The following RBM20 variants were observed in gnomAD, a reference collection of about 807,000 sequenced individuals.
RBM20 encodes the protein RNA binding motif protein 20, also known as RNA-binding protein 20.
RBM20 carries 51 observed loss-of-function variants against 110.1 expected under a neutral mutation model. The observed-to-expected ratio is 0.46, with a 90% CI of 0.37 to 0.59. RBM20 has a LOEUF of 0.59. Ranked by LOEUF, RBM20 falls within the 20% of genes least tolerant of loss-of-function variation. The pLI is 0.00. For synonymous variants in RBM20, 589 were observed against 618.2 expected, an observed-to-expected ratio of 0.95 and a Z score of 0.70; for missense variants, 1,512 against 1,574.9, an observed-to-expected ratio of 0.96 and a Z score of 0.68.
chr10:110,708,591 C>G (rs1413969159), intron 1 of RBM20, among the ~76,000 whole-genome samples: 1 of 152,036 alleles, frequency 6.6e-6, no homozygotes, highest in African/African-American at 2.4e-5. Flanking sequence ...AACCTTATTT[C>G]TCAAATTATT....
chr10:110,746,479 C>T (rs909230481), intron 1 of RBM20, among the ~76,000 whole-genome samples: 38 of 152,206 alleles, frequency 2.5e-4, no homozygotes, highest in African/African-American at 8.7e-4. Flanking sequence ...TAAAAGGTTG[C>T]TCAACTGGTA....
At chr10:110,755,157 G>A (rs577127272) in intron 1 of RBM20, among the ~76,000 whole-genome samples, 1 of 152,268 alleles carries the variant, frequency 6.6e-6, no homozygotes, top group South Asian at 2.1e-4. Flanking sequence ...TGGGTTTGGG[G>A]GGGACAGGAA....
At chr10:110,733,354 A>G (rs61864264) in intron 1 of RBM20, among the ~76,000 whole-genome samples, 1 of 152,062 alleles carries the variant, frequency 6.6e-6, no homozygotes, top group Non-Finnish European at 1.5e-5. Context: ...TAATGTTGAG[A>G]AGGAGGATGA....
intron 5 of RBM20, among the ~76,000 whole-genome samples, chr10:110,794,253 C>T (rs1453100066): frequency 6.6e-6 from 1 of 152,102 alleles, no homozygotes; most frequent in Non-Finnish European, 1.5e-5. Flanking sequence ...GGTTTTGAAC[C>T]TAAATGGAGT....
At chr10:110,685,440 G>A (rs1350779922) in intron 1 of RBM20, among the ~76,000 whole-genome samples, 1 of 152,158 alleles carries the variant, frequency 6.6e-6, no homozygotes, top group African/African-American at 2.4e-5. Context: ...CTGTGCCTGT[G>A]TTCAGAATGG....
intron 1 of RBM20, among the ~76,000 whole-genome samples, chr10:110,760,025 T>C (rs112562012): frequency 6.6e-6 from 1 of 152,168 alleles, no homozygotes; most frequent in African/African-American, 2.4e-5. Context: ...GGGAAGGCTG[T>C]GAGCTTCAAG....
chr10:110,659,145 G>A (rs1862064757), intron 1 of RBM20, among the ~76,000 whole-genome samples: 1 of 152,204 alleles, frequency 6.6e-6, no homozygotes, highest in Admixed American at 6.5e-5. Context: ...TACTAGTCAG[G>A]ATGCTCTCAT....
chr10:110,826,724 A>G (rs972413385), intron 12 of RBM20, among the ~76,000 whole-genome samples: 18 of 151,986 alleles, frequency 1.2e-4, no homozygotes, highest in African/African-American at 4.1e-4. Flanking sequence ...CTGGGATTAC[A>G]GGCACCTGCC....
chr10:110,748,671 C>G (rs529719091), intron 1 of RBM20, among the ~76,000 whole-genome samples: 52 of 152,262 alleles, frequency 3.4e-4, no homozygotes, highest in Non-Finnish European at 2.6e-4. Context: ...TATCTTCTCT[C>G]TCTCTCTCTC....
intron 1 of RBM20, among the ~76,000 whole-genome samples, chr10:110,726,306 A>G (rs1843559879): frequency 6.6e-6 from 1 of 152,182 alleles, no homozygotes; most frequent in Admixed American, 6.5e-5. Context: ...GCATCTCTAC[A>G]GCATCATATT....
chr10:110,798,087 C>A (rs1026997059), intron 6 of RBM20, among the ~76,000 whole-genome samples: 2 of 152,154 alleles, frequency 1.3e-5, no homozygotes, highest in Admixed American at 6.5e-5. Flanking sequence ...TCCTTGATGT[C>A]AGCAGGTGAG....
intron 1 of RBM20, among the ~76,000 whole-genome samples, chr10:110,768,696 T>G (rs941887964): frequency 2.6e-5 from 4 of 152,218 alleles, no homozygotes; most frequent in Non-Finnish European, 4.4e-5. Flanking sequence ...CATAGGCACT[T>G]GGGAGTTTGA....
chr10:110,706,391 T>C (rs12263440), intron 1 of RBM20, among the ~76,000 whole-genome samples: 144 of 152,368 alleles, frequency 9.5e-4, no homozygotes, highest in African/African-American at 3.1e-3. Context: ...ATGGGCAATA[T>C]CTGTGTGTCT....
intron 1 of RBM20, among the ~76,000 whole-genome samples, chr10:110,698,160 G>C (rs1029987724): frequency 6.6e-6 from 1 of 152,004 alleles, no homozygotes; most frequent in Admixed American, 6.5e-5. Context: ...CGCCCACCTC[G>C]GCCTCCCAAA....
At chr10:110,650,162 C>T (rs1416520886) in intron 1 of RBM20, among the ~76,000 whole-genome samples, 2 of 152,052 alleles carry the variant, frequency 1.3e-5, no homozygotes, top group East Asian at 3.9e-4. Context: ...GAGAAGGACC[C>T]CTCCCCCCAA....
chr10:110,752,936 TATATATATA>T (rs1238425782), intron 1 of RBM20, among the ~76,000 whole-genome samples: 5 of 73,670 alleles, frequency 6.8e-5, no homozygotes, highest in East Asian at 2.9e-4. Context: ...TATATATATA[TATATATATA>T]TTTTTTTTTT....
chr10:110,734,062 G>A (rs560311018), intron 1 of RBM20, among the ~76,000 whole-genome samples: 15 of 152,146 alleles, frequency 9.9e-5, no homozygotes, highest in South Asian at 4.1e-4. Flanking sequence ...CATTGGATGA[G>A]GAGATAATTA....
intron 1 of RBM20, among the ~76,000 whole-genome samples, chr10:110,673,210 CTTTTTTT>C (rs564483915): frequency 2.1e-4 from 31 of 150,102 alleles, no homozygotes; most frequent in Non-Finnish European, 4.2e-4. Context: ...TTTCTTTTTT[CTTTTTTT>C]TTCCTTTTTT....
Position 110,645,949 on chromosome 10 carries a change from A to C in RBM20, c.191+1304A>C, listed in dbSNP as rs1861861324. ...TTGCAAATTATTCAGCCAATACTAAATATGATTGACAATTTATGTACATCA... is the reference window on the plus strand; with the variant it reads ...TTGCAAATTATTCAGCCAATACTAACTATGATTGACAATTTATGTACATCA... On this transcript the variant is annotated intron_variant, in intron 1 of 13. Coordinates refer to ENST00000369519, the MANE Select transcript of RBM20 (RefSeq NM_001134363.3). 2.0e-5 allele frequency among the ~76,000 whole-genome samples: 3 copies of C among 152,234 alleles called. 1 individual carries two copies. The highest frequency in any genetic ancestry group is 1.3e-4 in the Admixed American group (2 of 15,284).
Sources: gnomAD v4.1 joint callset for allele counts (sites outside exome capture counted in the v4.1 genomes callset) on GRCh38, gnomAD v4.1.1 for gene constraint, MANE v1.5 for transcripts, NCBI Gene and HGNC (gene_info 2026-07-23, HGNC 2026-07-21) for gene names.